The following ARID4B variants were observed in gnomAD, a reference collection of about 807,000 sequenced individuals.
ARID4B encodes the protein AT-rich interaction domain 4B, also known as AT-rich interactive domain-containing protein 4B.
Under a neutral mutation model 147.5 loss-of-function variants are expected in ARID4B, and 26 were observed. That is an observed-to-expected ratio of 0.18 (90% CI 0.13 to 0.24). ARID4B has a LOEUF of 0.24. Ranked by LOEUF, ARID4B falls within the 10% of genes least tolerant of loss-of-function variation. The pLI is 1.00. For missense variants in ARID4B, 1,179 were observed against 1,511.5 expected (o/e 0.78, Z 3.65); for synonymous variants, 512 against 507.9 (o/e 1.01, Z -0.11).
chr1:235,177,790 T>C lies in ARID4B; in HGVS notation c.3448+10A>G, dbSNP rs771612905. 1.3e-6 allele frequency: 2 copies of C among 1,564,328 alleles called. No individual in the cohort carries two copies. The highest frequency in any genetic ancestry group is 1.8e-5 in the Admixed American group (1 of 54,596). Reference sequence around the variant, plus strand: ...TTTTATATTTTAAAAATTAGAGATTTCACACTTACTGCCTTTTCCCTTCTT... The same window carrying C: ...TTTTATATTTTAAAAATTAGAGATTCCACACTTACTGCCTTTTCCCTTCTT... On this transcript the variant is annotated intron_variant, in intron 21 of 23. Coordinates refer to ENST00000264183, the MANE Select transcript of ARID4B (RefSeq NM_016374.6).
intron 17 of ARID4B, among the ~76,000 whole-genome samples, chr1:235,205,616 G>A (rs941276057): frequency 6.6e-6 from 1 of 152,190 alleles, no homozygotes; most frequent in African/African-American, 2.4e-5. Flanking sequence ...AGAAACATTT[G>A]CAATCATGTA....
At chr1:235,182,907 G>T in intron 19 of ARID4B, 114 bp from the exon 20 acceptor site, 1 of 976,952 alleles carries the variant, frequency 1.0e-6, no homozygotes, top group South Asian at 2.2e-5. Context: ...CGAGGTTGCT[G>T]GCTTTTATCT....
intron 2 of ARID4B, among the ~76,000 whole-genome samples, chr1:235,262,382 A>T (rs551361706): frequency 1.3e-5 from 2 of 152,372 alleles, no homozygotes; most frequent in South Asian, 2.1e-4. Flanking sequence ...TTTAAAATCA[A>T]CTTAGGAAAA....
intron 22 of ARID4B, among the ~76,000 whole-genome samples, chr1:235,173,209 T>C (rs1663493357): frequency 6.6e-6 from 1 of 152,124 alleles, no homozygotes; most frequent in Non-Finnish European, 1.5e-5. Flanking sequence ...CTGGGCATGG[T>C]GGCGGGTGCC....
intron 2 of ARID4B, among the ~76,000 whole-genome samples, chr1:235,264,944 C>T (rs1170808664): frequency 6.6e-6 from 1 of 151,502 alleles, no homozygotes; most frequent in African/African-American, 2.4e-5. Flanking sequence ...CCTGTAATCC[C>T]AGCTACACGG....
chr1:235,170,109 T>C (rs1306749418), intron 23 of ARID4B, among the ~76,000 whole-genome samples: 1 of 152,154 alleles, frequency 6.6e-6, no homozygotes. Context: ...CCCTTCCCCA[T>C]TGCTACCAGT....
At chr1:235,236,838 A>ATATATATATATATATATATATGTGTG (rs1558233458) in intron 8 of ARID4B, among the ~76,000 whole-genome samples, 1 of 27,894 alleles carries the variant, frequency 3.6e-5, no homozygotes, top group Non-Finnish European at 7.1e-5. Flanking sequence ...TAAAAAATAT[A>ATATATATATATATATATATATGTGTG]TATATATATA....
chr1:235,204,738 T>A lies in ARID4B; in HGVS notation c.1842-8623A>T, dbSNP rs144043188. 9.8e-5 allele frequency among the ~76,000 whole-genome samples: 15 copies of A among 152,334 alleles called. No homozygotes were observed. In the East Asian group the frequency reaches 2.9e-3, roughly 29 times the overall value. ...TTAAATTCCCCAAAAGTGTACTTTG[T>A]TAATATTTGATAAATGTATGGAATT... is the stretch of plus-strand genomic sequence containing the variant. On this transcript the variant is annotated intron_variant, in intron 17 of 23. Coordinates refer to ENST00000264183, the MANE Select transcript of ARID4B (RefSeq NM_016374.6).
At chr1:235,244,191 A>C (rs2103078954) in intron 7 of ARID4B, among the ~76,000 whole-genome samples, 1 of 152,324 alleles carries the variant, frequency 6.6e-6, no homozygotes, top group East Asian at 1.9e-4. Context: ...CATACTCATA[A>C]ATAATCCCTT....
chr1:235,263,990 T>C (rs1205744614), intron 2 of ARID4B, among the ~76,000 whole-genome samples: 1 of 148,954 alleles, frequency 6.7e-6, no homozygotes, highest in East Asian at 2.0e-4. Context: ...CGAGACTCCA[T>C]CTCAAAAAAA....
chr1:235,294,172 T>C (rs1488068456), intron 2 of ARID4B, among the ~76,000 whole-genome samples: 1 of 152,102 alleles, frequency 6.6e-6, no homozygotes, highest in African/African-American at 2.4e-5. Context: ...CCTGGAAAAT[T>C]GACACTGGAC....
chr1:235,182,119 G>A lies in ARID4B; in HGVS notation c.2800C>T (p.Gln934Ter), dbSNP rs1480435467. 1 of 1,614,020 alleles carries A rather than the reference G, an allele frequency of 6.2e-7. No homozygotes were observed. The highest frequency in any genetic ancestry group is 8.5e-7 in the Non-Finnish European group (1 of 1,180,030). Residue 934 changes from glutamine (Q) to a stop codon, truncating the protein, a stop_gained, in exon 20 of 24, where the codon CAG becomes TAG. Transcript: ENST00000264183. LOFTEE classifies it high-confidence loss of function. ...TCTTTCAGCGTTTTTTTAGGCCACT[G>A]TCCCTGAATACTTGACCAGACATCT... is the stretch of plus-strand genomic sequence containing the variant. ...RKDVWSSIQG[Q>*]WPKKTLKELF...
At chr1:235,214,097 T>G in intron 16 of ARID4B, 71 bp from the exon 17 acceptor site, 2 of 1,505,200 alleles carry the variant, frequency 1.3e-6, no homozygotes, top group Non-Finnish European at 1.8e-6. Flanking sequence ...AAACCACATA[T>G]ATTGATAAAA....
intron 23 of ARID4B, 97 bp from the exon 24 acceptor site, chr1:235,168,749 T>G (rs1663112622): frequency 7.7e-7 from 1 of 1,303,014 alleles, no homozygotes; most frequent in Non-Finnish European, 1.0e-6. Flanking sequence ...TCCGCTATAT[T>G]GTCCAAAATC....
chr1:235,309,490 C>T (rs1388579073), intron 2 of ARID4B, among the ~76,000 whole-genome samples: 1 of 149,464 alleles, frequency 6.7e-6, no homozygotes, highest in African/African-American at 2.5e-5. Context: ...TGCCCGGCCG[C>T]CCCTACTGGA....
chr1:235,259,775 AG>A (rs775141138), intron 3 of ARID4B, among the ~76,000 whole-genome samples: 18 of 152,234 alleles, frequency 1.2e-4, no homozygotes, highest in Non-Finnish European at 1.6e-4. Context: ...TAAGGAATAT[AG>A]GAACAGTAAA....
At chr1:235,185,255 T>C (rs553823563) in intron 19 of ARID4B, among the ~76,000 whole-genome samples, 6 of 152,366 alleles carry the variant, frequency 3.9e-5, no homozygotes, top group African/African-American at 1.4e-4. Context: ...CATATGTAAA[T>C]GTGGTTCCCT....
At chr1:235,325,615 C>A (rs1675175453) in intron 2 of ARID4B, among the ~76,000 whole-genome samples, 1 of 152,114 alleles carries the variant, frequency 6.6e-6, no homozygotes, top group Non-Finnish European at 1.5e-5. Context: ...GGTACATATA[C>A]GAGTTACCTA....
chr1:235,255,423 TA>T (rs1320032929), intron 5 of ARID4B, among the ~76,000 whole-genome samples: 1 of 151,882 alleles, frequency 6.6e-6, no homozygotes, highest in Non-Finnish European at 1.5e-5. Context: ...TACTTTGAAG[TA>T]AAAAAAGCTA....
Sources: gnomAD v4.1 joint callset for allele counts (sites outside exome capture counted in the v4.1 genomes callset) on GRCh38, gnomAD v4.1.1 for gene constraint, MANE v1.5 for transcripts, NCBI Gene and HGNC (gene_info 2026-07-23, HGNC 2026-07-21) for gene names.